The following DPP6 variants were observed in gnomAD, a reference collection of about 807,000 sequenced individuals.
DPP6 encodes the protein A-type potassium channel modulatory protein DPP6.
A neutral mutation model predicts 122.6 loss-of-function variants in DPP6; 69 were observed. That is an observed-to-expected ratio of 0.56 (90% CI 0.46 to 0.69). The LOEUF is 0.69. Among genes scored for constraint, DPP6 ranks in the 30% least tolerant of loss-of-function variants. The pLI, the probability that DPP6 is intolerant of heterozygous loss-of-function variation, is 0.00. For missense variants in DPP6, 928 were observed against 1,116.9 expected, an observed-to-expected ratio of 0.83 and a Z score of 2.41; for synonymous variants, 418 against 433.1, an observed-to-expected ratio of 0.97 and a Z score of 0.43.
chr7:153,933,443 GA>G (rs993422477), intron 1 of DPP6, among the ~76,000 whole-genome samples: 97 of 152,220 alleles, frequency 6.4e-4, no homozygotes, highest in African/African-American at 2.3e-3. Flanking sequence ...TAACTAGAAG[GA>G]AAAACAGTAC....
chr7:154,051,855 G>A (rs1563133373), upstream of DPP6, among the ~76,000 whole-genome samples: 2 of 150,416 alleles, frequency 1.3e-5, no homozygotes, highest in South Asian at 2.1e-4. Flanking sequence ...TGGAGGGAGG[G>A]CGGCCTCTTC....
At position 154,401,884 on chromosome 7, in the gene DPP6, C is replaced by T. The variant is rs1350946868; in HGVS notation, c.244-44330C>T. 1.3e-5 allele frequency among the ~76,000 whole-genome samples: 2 copies of T among 152,104 alleles called. 1 individual carries two copies. The highest frequency in any genetic ancestry group is 2.9e-5 in the Non-Finnish European group (2 of 68,026). On this transcript the variant is annotated intron_variant, in intron 1 of 25. Transcript: ENST00000377770. ...GCTAATATCCAGAATCTACAATGAA[C>T]TCAAACAAATTTACAAGAAAAAAAC...
chr7:154,331,738 C>T (rs1226411450), intron 1 of DPP6, among the ~76,000 whole-genome samples: 1 of 152,182 alleles, frequency 6.6e-6, no homozygotes, highest in Non-Finnish European at 1.5e-5. Context: ...ATCCACACAG[C>T]AGGTGTGGCC....
At chr7:153,922,806 G>T (rs1315215025) in intron 1 of DPP6, among the ~76,000 whole-genome samples, 3 of 152,168 alleles carry the variant, frequency 2.0e-5, no homozygotes, top group Non-Finnish European at 4.4e-5. Context: ...AATAGCCCAC[G>T]CTGGGTTTAA....
the DPP6 span, among the ~76,000 whole-genome samples, chr7:153,869,175 G>A: frequency 1.3e-5 from 2 of 152,196 alleles, no homozygotes; most frequent in African/African-American, 4.8e-5. Flanking sequence ...GGTCCGCTTG[G>A]TGCAGAGCTG....
chr7:154,348,835 C>G (rs1233485737), intron 1 of DPP6, among the ~76,000 whole-genome samples: 1 of 152,230 alleles, frequency 6.6e-6, no homozygotes, highest in Non-Finnish European at 1.5e-5. Flanking sequence ...ACCCTCTTCT[C>G]TGGTAGCCTG....
At chr7:153,918,749 C>T (rs1026956494) in intron 1 of DPP6, among the ~76,000 whole-genome samples, 3 of 151,876 alleles carry the variant, frequency 2.0e-5, no homozygotes, top group Non-Finnish European at 2.9e-5. Flanking sequence ...AGAGGCCCAC[C>T]TGGGCAGATC....
At position 154,667,842 on chromosome 7, in the gene DPP6, G is replaced by A. The variant is rs561428849; in HGVS notation, c.681-1518G>A. Among the ~76,000 whole-genome samples the A allele has an allele frequency of 3.3e-5, 5 of 152,118 alleles. No homozygotes were observed. The East Asian group carries it at 7.8e-4, about 24-fold the overall frequency. ...AGCTGCCTTCCCAGCTGGTTTCTAA[G>A]CGGCAATGTCTTCTCTGAATTGGCA... is the stretch of plus-strand genomic sequence containing the variant. On this transcript the variant is annotated intron_variant, in intron 6 of 25. Coordinates refer to ENST00000377770, the MANE Select transcript of DPP6 (RefSeq NM_130797.4).
At chr7:153,875,580 G>A in the DPP6 span, among the ~76,000 whole-genome samples, 1 of 152,052 alleles carries the variant, frequency 6.6e-6, no homozygotes, top group African/African-American at 2.4e-5. Flanking sequence ...CTGGAGAATT[G>A]TAGATATATT....
intron 6 of DPP6, among the ~76,000 whole-genome samples, chr7:154,658,339 C>A (rs189183007): frequency 6.6e-5 from 10 of 152,098 alleles, no homozygotes; most frequent in African/African-American, 2.4e-4. Context: ...TGAAACTGCT[C>A]TAAAAATATA....
At chr7:154,214,443 G>T (rs1345426736) in intron 1 of DPP6, among the ~76,000 whole-genome samples, 2 of 152,192 alleles carry the variant, frequency 1.3e-5, no homozygotes, top group Non-Finnish European at 2.9e-5. Flanking sequence ...TTAACTGAAA[G>T]AATGATGAAT....
rs1237676638 is a variant in DPP6 at position 154,074,086 on chromosome 7, T to C, written c.243+21023T>C. On this transcript the variant is annotated intron_variant, in intron 1 of 25. Coordinates refer to ENST00000377770, the MANE Select transcript of DPP6 (RefSeq NM_130797.4). ...CCATATATACATATAGAGAGAGATATATAGAGATCTATATAGAGATAGAGA... is the reference window on the plus strand; with the variant it reads ...CCATATATACATATAGAGAGAGATACATAGAGATCTATATAGAGATAGAGA... Among the ~76,000 whole-genome samples, 11 of 151,912 alleles carry C rather than the reference T, an allele frequency of 7.2e-5. No individual in the cohort carries two copies. In the East Asian group the frequency reaches 1.3e-3, roughly 19 times the overall value.
the DPP6 span, among the ~76,000 whole-genome samples, chr7:153,814,910 G>A: frequency 1.3e-5 from 2 of 152,132 alleles, no homozygotes; most frequent in East Asian, 1.9e-4. Flanking sequence ...ATTCAACAAT[G>A]CTTCATGCTA....
chr7:153,823,370 G>A, the DPP6 span, among the ~76,000 whole-genome samples: 1 of 148,976 alleles, frequency 6.7e-6, no homozygotes, highest in African/African-American at 2.5e-5. Flanking sequence ...CCTTCCACAG[G>A]GGGCCTCTTG....
chr7:153,877,185 T>A, the DPP6 span, among the ~76,000 whole-genome samples: 1 of 152,148 alleles, frequency 6.6e-6, no homozygotes, highest in Non-Finnish European at 1.5e-5. Flanking sequence ...CTGTAACTTT[T>A]TTACTTTCTA....
At chr7:154,813,120 G>T (rs1486394408) in intron 16 of DPP6, among the ~76,000 whole-genome samples, 4 of 148,192 alleles carry the variant, frequency 2.7e-5, no homozygotes, top group Non-Finnish European at 5.9e-5. Flanking sequence ...TCGCTCTGTT[G>T]CCCAGGCTAG....
In DPP6 at chr7:154,805,032, C is replaced by T. The variant is rs76943385; in HGVS notation, c.1547+68C>T. 305 of 1,539,662 alleles carry T rather than the reference C, an allele frequency of 2.0e-4. 1 individual carries two copies. In the African/African-American group the frequency reaches 3.8e-3, roughly 19 times the overall value. On this transcript the variant is annotated intron_variant, in intron 15 of 25. Transcript: ENST00000377770. ...AGGGCATCCAGGCTTTGCAGAATTG[C>T]ACCTTTTCAGCAGTTCGGAAAGGGC...
At chr7:154,287,746 T>C (rs1804948876) in intron 1 of DPP6, among the ~76,000 whole-genome samples, 1 of 152,090 alleles carries the variant, frequency 6.6e-6, no homozygotes, top group South Asian at 2.1e-4. Context: ...AATCCCACTT[T>C]CCCTGATTAA....
rs1833465751 is a variant in DPP6, at chr7:154,603,043, C to A, written c.628-34778C>A. 1.7e-5 allele frequency among the ~76,000 whole-genome samples: 2 copies of A among 119,950 alleles called. 1 individual carries two copies. Among genetic ancestry groups the A allele is most frequent in the African/African-American group, 5.3e-5 (2 of 37,704 alleles). 78.7% of individuals were successfully genotyped at this position (119,950 alleles called of 152,430 possible). A position where few individuals can be genotyped will look rare whatever the true frequency, so the allele number is the denominator to read the frequency against. On this transcript the variant is annotated intron_variant, in intron 5 of 25. Transcript: ENST00000377770. ...GGTGGACATTATTTTTCTTTCAGTACTTAACTATATCATTCCTTGTCTTCT... is the reference window on the plus strand; with the variant it reads ...GGTGGACATTATTTTTCTTTCAGTAATTAACTATATCATTCCTTGTCTTCT...
Sources: allele counts gnomAD v4.1 joint callset (sites outside exome capture counted in the v4.1 genomes callset), GRCh38; gene constraint gnomAD v4.1.1; transcripts MANE v1.5; gene names NCBI Gene and HGNC (gene_info 2026-07-23, HGNC 2026-07-21).